Variants in PTPRD observed in about 807,000 individuals in gnomAD.
PTPRD encodes the protein protein tyrosine phosphatase receptor type D.
A neutral mutation model predicts 214.5 loss-of-function variants in PTPRD; 34 were observed. That is an observed-to-expected ratio of 0.16 (90% CI 0.12 to 0.21). PTPRD has a LOEUF of 0.21. Ranked by LOEUF, PTPRD falls within the 10% of genes least tolerant of loss-of-function variation. The pLI, the probability that PTPRD is intolerant of heterozygous loss-of-function variation, is 1.00. For synonymous variants in PTPRD, 1,128 were observed against 845.7 expected (o/e 1.33, Z -5.79); for missense variants, 2,545 against 2,398.7 (o/e 1.06, Z -1.27).
chr9:9,683,797 C>T (rs2097119101), intron 7 of PTPRD, among the ~76,000 whole-genome samples: 2 of 151,672 alleles, frequency 1.3e-5, no homozygotes, highest in South Asian at 2.1e-4. Flanking sequence ...TAATTTTATA[C>T]ATAAAAAATC....
intron 11 of PTPRD, among the ~76,000 whole-genome samples, chr9:9,002,286 G>A (rs1172900759): frequency 6.6e-6 from 1 of 151,778 alleles, no homozygotes. Flanking sequence ...TAATATTAAT[G>A]AGGCACTGAA....
chr9:9,063,597 G>A (rs1209719035), intron 10 of PTPRD, among the ~76,000 whole-genome samples: 2 of 152,078 alleles, frequency 1.3e-5, no homozygotes, highest in African/African-American at 4.8e-5. Flanking sequence ...GTTTACTGCT[G>A]AATTCTTAGC....
intron 4 of PTPRD, among the ~76,000 whole-genome samples, chr9:9,991,376 T>G (rs532866315): frequency 6.6e-6 from 1 of 152,032 alleles, no homozygotes; most frequent in East Asian, 1.9e-4. Flanking sequence ...TTTTTCTTTT[T>G]TTGAAATGGA....
intron 14 of PTPRD, 89 bp downstream of exon 14, chr9:8,633,228 A>G: frequency 6.8e-7 from 1 of 1,468,522 alleles, no homozygotes; most frequent in South Asian, 1.4e-5. Flanking sequence ...TTTAAGCACC[A>G]TCACAATGCT....
At chr9:8,486,602 G>A (rs942987804) in intron 27 of PTPRD, 2 of 634,902 alleles carry the variant, frequency 3.2e-6, no homozygotes, top group Admixed American at 4.4e-5. Context: ...AACAGCTTAA[G>A]GGGATTTTTT....
intron 12 of PTPRD, 92 bp from the exon 13 acceptor site, chr9:8,636,936 C>T (rs2154328817): frequency 7.9e-7 from 1 of 1,263,450 alleles, no homozygotes; most frequent in Non-Finnish European, 1.1e-6. Context: ...TCCTCAACCA[C>T]ACCGCCATCA....
chr9:8,583,240 G>A (rs73423208), intron 14 of PTPRD, among the ~76,000 whole-genome samples: 3,174 of 152,272 alleles, frequency 0.021, 119 homozygotes, highest in East Asian at 0.084. Context: ...TCTCTTGTCC[G>A]CTGCTCACCT....
intron 10 of PTPRD, among the ~76,000 whole-genome samples, chr9:9,157,655 C>G (rs959083861): frequency 2.0e-5 from 3 of 152,282 alleles, no homozygotes; most frequent in African/African-American, 7.2e-5. Flanking sequence ...AGCCCAGGAC[C>G]AGATGGCTTC....
chr9:9,740,746 C>G (rs946274740), intron 6 of PTPRD, among the ~76,000 whole-genome samples: 2 of 152,018 alleles, frequency 1.3e-5, no homozygotes, highest in South Asian at 2.1e-4. Flanking sequence ...TTTCTCAATA[C>G]AATAACAAAT....
At chr9:10,049,150 C>A (rs1263572617) in intron 3 of PTPRD, among the ~76,000 whole-genome samples, 1 of 152,126 alleles carries the variant, frequency 6.6e-6, no homozygotes, top group Non-Finnish European at 1.5e-5. Context: ...AGAGCAGACA[C>A]TGATACCACT....
chr9:10,138,891 C>G (rs1564063459), intron 3 of PTPRD, among the ~76,000 whole-genome samples: 1 of 151,976 alleles, frequency 6.6e-6, no homozygotes, highest in Non-Finnish European at 1.5e-5. Context: ...ATTGAAGGAA[C>G]ATAGCTCAAA....
In PTPRD at chr9:8,449,770, G is replaced by C. The variant is rs2133463467; in HGVS notation, c.3943C>G (p.Pro1315Ala). 1 of 1,614,086 alleles carries C rather than the reference G, an allele frequency of 6.2e-7. No individual in the cohort carries two copies. The highest frequency in any genetic ancestry group is 8.5e-7 in the Non-Finnish European group (1 of 1,179,970). The change falls in exon 34 of 46, where the codon CCA becomes GCA. Residue 1315 changes from proline to alanine, a missense_variant. Physicochemically the swap from Pro to Ala is conservative, Grantham distance 27. Transcript: ENST00000381196. ...CGCCTCAGTTCTACAGGGTCTGTTG[G>C]GTGGTGTGAAGGGATCTCCTTATTG... ...PNNKEIPSHH[P>A]TDPVELRRLN...
intron 10 of PTPRD, among the ~76,000 whole-genome samples, chr9:9,060,693 A>T (rs2099705527): frequency 6.6e-6 from 1 of 152,162 alleles, no homozygotes; most frequent in South Asian, 2.1e-4. Context: ...ATATTTGACT[A>T]GGTATTTAAT....
chr9:10,341,172 G>C (rs1014279734), intron 2 of PTPRD, among the ~76,000 whole-genome samples, 155 bp from the exon 3 acceptor site: 4 of 151,848 alleles, frequency 2.6e-5, no homozygotes, highest in Non-Finnish European at 5.9e-5. Flanking sequence ...GAAAATCTAG[G>C]ACCTCCAACT....
At chr9:9,543,806 TTATTAAAACATGAA>T (rs550740701) in intron 8 of PTPRD, among the ~76,000 whole-genome samples, 1 of 151,816 alleles carries the variant, frequency 6.6e-6, no homozygotes, top group East Asian at 1.9e-4. Flanking sequence ...TTCTAAAAGG[TTATTAAAACATGAA>T]AATAACTGCT....
chr9:9,309,723 T>G (rs1368494905), intron 9 of PTPRD, among the ~76,000 whole-genome samples: 1 of 152,224 alleles, frequency 6.6e-6, no homozygotes, highest in Non-Finnish European at 1.5e-5. Context: ...GGTACAACGT[T>G]ATTCTGCTAA....
intron 6 of PTPRD, among the ~76,000 whole-genome samples, chr9:9,753,174 C>T (rs915982441): frequency 3.3e-5 from 5 of 151,996 alleles, no homozygotes; most frequent in African/African-American, 1.2e-4. Context: ...TCCATGTGGT[C>T]TTTCCCCAAG....
chr9:8,490,303 A>G (rs981498406), intron 27 of PTPRD, among the ~76,000 whole-genome samples: 2 of 152,164 alleles, frequency 1.3e-5, no homozygotes, highest in African/African-American at 4.8e-5. Flanking sequence ...TCTTTTAAAA[A>G]TTTCCTAGGA....
chr9:10,482,883 T>C (rs1385066886), intron 2 of PTPRD, among the ~76,000 whole-genome samples: 3 of 152,170 alleles, frequency 2.0e-5, no homozygotes, highest in South Asian at 2.1e-4. Context: ...ACAGATTGAA[T>C]GCAATCCCTA....
Sources: allele counts gnomAD v4.1 joint callset (sites outside exome capture counted in the v4.1 genomes callset), GRCh38; gene constraint gnomAD v4.1.1; transcripts MANE v1.5; gene names NCBI Gene and HGNC (gene_info 2026-07-23, HGNC 2026-07-21).